Variants in MTHFD1L observed in about 807,000 individuals in gnomAD.
The protein encoded by MTHFD1L is methylenetetrahydrofolate dehydrogenase (NADP+ dependent) 1 like, also known as monofunctional C1-tetrahydrofolate synthase, mitochondrial.
MTHFD1L carries 81 observed loss-of-function variants against 119.5 expected under a neutral mutation model. The ratio of observed to expected loss-of-function variants is 0.68; its 90% CI spans 0.57 to 0.82. MTHFD1L has a LOEUF of 0.82. MTHFD1L is among the 40% of genes least tolerant of loss of function. The pLI is 0.00. For missense variants in MTHFD1L, 1,125 were observed against 1,253.4 expected (o/e 0.90, Z 1.55); for synonymous variants, 430 against 475.2 (o/e 0.90, Z 1.24).
chr6:151,006,325 C>A (rs1584084606), intron 20 of MTHFD1L, among the ~76,000 whole-genome samples: 2 of 152,064 alleles, frequency 1.3e-5, no homozygotes, highest in African/African-American at 4.8e-5. Flanking sequence ...AGGAATGTTC[C>A]ACATGGGAAA....
At chr6:151,095,920 A>G (rs576085066) in intron 27 of MTHFD1L, among the ~76,000 whole-genome samples, 1 of 152,368 alleles carries the variant, frequency 6.6e-6, no homozygotes, top group African/African-American at 2.4e-5. Flanking sequence ...GGAGGTGGGT[A>G]GTATTTTTGT....
intron 18 of MTHFD1L, among the ~76,000 whole-genome samples, 188 bp from the exon 19 acceptor site, chr6:150,964,781 G>A (rs1041015590): frequency 2.0e-5 from 3 of 152,200 alleles, no homozygotes; most frequent in African/African-American, 7.2e-5. Flanking sequence ...TCACATCTTA[G>A]TGTGACTGAC....
chr6:150,966,411 C>T (rs1797223041), intron 19 of MTHFD1L, among the ~76,000 whole-genome samples: 1 of 152,160 alleles, frequency 6.6e-6, no homozygotes, highest in Non-Finnish European at 1.5e-5. Flanking sequence ...GGGGGAAATT[C>T]ACTCCCAGAA....
intron 20 of MTHFD1L, among the ~76,000 whole-genome samples, chr6:150,974,450 C>T (rs1446147204): frequency 6.6e-6 from 1 of 151,924 alleles, no homozygotes; most frequent in Non-Finnish European, 1.5e-5. Flanking sequence ...TGAAAGTTAC[C>T]ATCTTCACCA....
chr6:150,966,998 T>A (rs566393040), intron 19 of MTHFD1L, among the ~76,000 whole-genome samples: 3 of 152,204 alleles, frequency 2.0e-5, no homozygotes, highest in Non-Finnish European at 2.9e-5. Flanking sequence ...CACACCCTTC[T>A]GCGGCAGGTT....
At chr6:151,042,117 C>T in intron 26 of MTHFD1L, 1 of 231,550 alleles carries the variant, frequency 4.3e-6, no homozygotes, top group Non-Finnish European at 8.7e-6. Context: ...GTAACTGAAG[C>T]CCCCAGCACA....
intron 10 of MTHFD1L, among the ~76,000 whole-genome samples, chr6:150,925,090 T>A (rs1789705388): frequency 6.6e-6 from 1 of 152,068 alleles, no homozygotes; most frequent in African/African-American, 2.4e-5. Context: ...GTAGATTACC[T>A]GCAGTAGCTA....
intron 8 of MTHFD1L, among the ~76,000 whole-genome samples, chr6:150,916,091 C>T (rs1027243759): frequency 6.6e-6 from 1 of 151,936 alleles, no homozygotes; most frequent in Non-Finnish European, 1.5e-5. Context: ...TAAATAACAC[C>T]CAAGGGATAT....
In MTHFD1L at chr6:150,956,082, C is replaced by T. The variant is rs373984865; in HGVS notation, c.1803+11C>T. The T allele has an allele frequency of 2.5e-6, 4 of 1,611,338 alleles. No individual in the cohort carries two copies. Among genetic ancestry groups the T allele is most frequent in the Non-Finnish European group, 3.4e-6 (4 of 1,177,634 alleles). On this transcript the variant is annotated intron_variant, in intron 17 of 27. Coordinates refer to ENST00000367321, the MANE Select transcript of MTHFD1L (RefSeq NM_015440.5). Reference sequence around the variant, plus strand: ...GGCCATTACCGGCAGGTAGGTGGTGCTTTCTTCCCGGGTGTGGCTCTGTTC... The same window carrying T: ...GGCCATTACCGGCAGGTAGGTGGTGTTTTCTTCCCGGGTGTGGCTCTGTTC...
intron 7 of MTHFD1L, among the ~76,000 whole-genome samples, chr6:150,893,571 A>AC (rs555829417): frequency 5.9e-5 from 9 of 151,800 alleles, no homozygotes; most frequent in South Asian, 2.1e-4. Flanking sequence ...ATGGAACAAG[A>AC]CCCCCCCATC....
chr6:151,005,405 A>G lies in MTHFD1L; in HGVS notation c.2126-4414A>G, dbSNP rs994007923. On this transcript the variant is annotated intron_variant, in intron 20 of 27. Transcript: ENST00000367321. ...CGACATAAAAGTGATTACATGCAGC[A>G]TTTCAGGACAGTTTTCAAACTGAGA... is the stretch of plus-strand genomic sequence containing the variant. Among the ~76,000 whole-genome samples, 8 of 152,130 alleles carry G rather than the reference A, an allele frequency of 5.3e-5. 1 individual carries two copies. Among genetic ancestry groups the G allele is most frequent in the Admixed American group, 3.3e-4 (5 of 15,266 alleles).
rs2128910255 is a variant in MTHFD1L at position 150,926,576 on chromosome 6, A to G, written c.1256+281A>G. Among the ~76,000 whole-genome samples the G allele has an allele frequency of 6.6e-6, 1 of 152,272 alleles. No homozygotes were observed. Among genetic ancestry groups the G allele is most frequent in the East Asian group, 1.9e-4 (1 of 5,190 alleles). On this transcript the variant is annotated intron_variant, in intron 11 of 27. Coordinates refer to ENST00000367321, the MANE Select transcript of MTHFD1L (RefSeq NM_015440.5). The surrounding 1 kb of genome is among the most constrained non-coding windows in gnomAD (Gnocchi z 4.3). ...CCCCTGCTCCTCCTTGACTTTTTGA[A>G]TTTCATTTTTCATTATAAAAATCAA...
chr6:150,940,340 G>T (rs1188308334), intron 13 of MTHFD1L, among the ~76,000 whole-genome samples: 1 of 152,158 alleles, frequency 6.6e-6, no homozygotes, highest in African/African-American at 2.4e-5. Context: ...GGGAGTGGGG[G>T]TGAGAAAGAG....
chr6:151,016,479 G>A (rs914961090), intron 24 of MTHFD1L, among the ~76,000 whole-genome samples: 5 of 151,730 alleles, frequency 3.3e-5, no homozygotes, highest in East Asian at 1.9e-4. Context: ...CTGCCAACAC[G>A]TCTGGCTAAG....
intron 19 of MTHFD1L, among the ~76,000 whole-genome samples, chr6:150,969,720 C>G (rs912685978): frequency 1.4e-4 from 22 of 152,106 alleles, no homozygotes; most frequent in African/African-American, 4.3e-4. Context: ...GATAAGCATG[C>G]ATTTGTAGGA....
intron 17 of MTHFD1L, among the ~76,000 whole-genome samples, chr6:150,956,645 A>C (rs1795688652): frequency 6.6e-6 from 1 of 152,196 alleles, no homozygotes; most frequent in Non-Finnish European, 1.5e-5. Context: ...ATGATTTTTC[A>C]TCCAGGCACA....
At chr6:151,033,341 A>T (rs1304429191) in intron 24 of MTHFD1L, among the ~76,000 whole-genome samples, 2 of 152,038 alleles carry the variant, frequency 1.3e-5, no homozygotes, top group African/African-American at 4.8e-5. Flanking sequence ...GCTGATCTTG[A>T]ACACCTGACC....
At chr6:150,963,219 C>T (rs1255102452) in intron 18 of MTHFD1L, among the ~76,000 whole-genome samples, 1 of 152,044 alleles carries the variant, frequency 6.6e-6, no homozygotes, top group Non-Finnish European at 1.5e-5. Context: ...CCCAGCCTGT[C>T]CTGCAGCTTT....
At chr6:151,070,273 T>C (rs1230265829) in intron 26 of MTHFD1L, among the ~76,000 whole-genome samples, 1 of 152,230 alleles carries the variant, frequency 6.6e-6, no homozygotes, top group Non-Finnish European at 1.5e-5. Context: ...ACCTGAGAGT[T>C]ACTCTCCCTT....
Sources: gnomAD v4.1 joint callset for allele counts (sites outside exome capture counted in the v4.1 genomes callset) on GRCh38, gnomAD v4.1.1 for gene constraint, Gnocchi (gnomAD v3.1) non-coding constraint, MANE v1.5 for transcripts, NCBI Gene and HGNC (gene_info 2026-07-23, HGNC 2026-07-21) for gene names.